VWA8: variants seen among roughly 807,000 people sequenced by gnomAD.
VWA8 encodes von Willebrand factor A domain containing 8, also known as von Willebrand factor A domain-containing protein 8.
VWA8 carries 221 observed loss-of-function variants against 241.5 expected under a neutral mutation model. The ratio of observed to expected loss-of-function variants is 0.91; its 90% CI spans 0.82 to 1.02. The LOEUF is 1.02. Ranked by LOEUF, VWA8 falls within the 50% of genes least tolerant of loss-of-function variation. The pLI, the probability that VWA8 is intolerant of heterozygous loss-of-function variation, is 0.00. For missense variants in VWA8, 2,322 were observed against 2,328.7 expected (o/e 1.00, Z 0.06); for synonymous variants, 852 against 827.1 (o/e 1.03, Z -0.52).
chr13:41,729,746 C>T (rs902298882), intron 22 of VWA8, 69 bp from the exon 23 acceptor site: 8 of 1,504,976 alleles, frequency 5.3e-6, no homozygotes, highest in Non-Finnish European at 7.2e-6. Flanking sequence ...TCATTACTTA[C>T]TGCTTTGGAC....
chr13:41,689,312 G>A (rs1279334298), intron 34 of VWA8, 42 bp downstream of exon 34: 2 of 1,580,590 alleles, frequency 1.3e-6, no homozygotes, highest in Non-Finnish European at 1.7e-6. Context: ...CAAACTAAGG[G>A]AAAGAAACAT....
At chr13:41,865,062 A>G (rs1873225535) in intron 12 of VWA8, among the ~76,000 whole-genome samples, 1 of 152,024 alleles carries the variant, frequency 6.6e-6, no homozygotes, top group Non-Finnish European at 1.5e-5. Context: ...TTTAAAAAAT[A>G]ATCTATTCAG....
rs532898183 is a variant in VWA8, at chr13:41,681,710, A to T, written c.4327+3337T>A. 1.4e-4 allele frequency among the ~76,000 whole-genome samples: 22 copies of T among 152,276 alleles called. No homozygotes were observed. The South Asian group carries it at 1.9e-3, about 13-fold the overall frequency. ...GGCCTGAGATATTTTGTGAAAAATT[A>T]AAATACACATGGAAACATAAACACA... On this transcript the variant is annotated intron_variant, in intron 35 of 44. Coordinates refer to ENST00000379310, the MANE Select transcript of VWA8 (RefSeq NM_015058.2).
chr13:41,929,451 C>A (rs892901065), intron 2 of VWA8, among the ~76,000 whole-genome samples: 1 of 152,114 alleles, frequency 6.6e-6, no homozygotes, highest in Non-Finnish European at 1.5e-5. Flanking sequence ...CAGCACTCAG[C>A]CCTGTGTTAC....
intron 4 of VWA8, among the ~76,000 whole-genome samples, chr13:41,904,543 T>C (rs776174320): frequency 8.5e-5 from 13 of 152,104 alleles, no homozygotes; most frequent in Admixed American, 4.6e-4. Context: ...ACCTTGTCAA[T>C]TGGGGGTGGT....
At chr13:41,698,185 T>C (rs2045227292) in intron 29 of VWA8, among the ~76,000 whole-genome samples, 1 of 152,126 alleles carries the variant, frequency 6.6e-6, no homozygotes, top group Non-Finnish European at 1.5e-5. Flanking sequence ...AATGTAAGCT[T>C]TTGAGAACAA....
chr13:41,721,242 A>G, intron 25 of VWA8, 128 bp downstream of exon 25: 3 of 976,038 alleles, frequency 3.1e-6, no homozygotes, highest in Non-Finnish European at 4.6e-6. Context: ...GATTATACAC[A>G]TTTCAAATCA....
In VWA8 at chr13:41,819,490, T is replaced by C. The variant is rs530487080; in HGVS notation, c.1701-104A>G. The C allele has an allele frequency of 3.2e-5, 37 of 1,170,058 alleles. No homozygotes were observed. In the African/African-American group the frequency reaches 5.7e-4, roughly 18 times the overall value. The allele number at this position is 1,170,058 out of a possible 1,614,324, so 72.5% of individuals were successfully genotyped here. On this transcript the variant is annotated intron_variant, in intron 14 of 44. Coordinates refer to ENST00000379310, the MANE Select transcript of VWA8 (RefSeq NM_015058.2). ...AACGTTAGGGCTATCATACTGTTAATAATGTCAATGTTATCATCCAAAGGA... is the reference window on the plus strand; with the variant it reads ...AACGTTAGGGCTATCATACTGTTAACAATGTCAATGTTATCATCCAAAGGA...
chr13:41,749,489 G>C (rs138936898), intron 21 of VWA8, among the ~76,000 whole-genome samples: 2 of 152,092 alleles, frequency 1.3e-5, no homozygotes, highest in African/African-American at 4.8e-5. Context: ...TTTTGACCCA[G>C]CCATCCCATT....
At chr13:41,725,261 G>A (rs934008529) in intron 24 of VWA8, among the ~76,000 whole-genome samples, 3 of 152,150 alleles carry the variant, frequency 2.0e-5, no homozygotes, top group African/African-American at 7.2e-5. Flanking sequence ...AAAGGTGGTA[G>A]GATCAATGGA....
intron 37 of VWA8, among the ~76,000 whole-genome samples, chr13:41,616,934 A>C (rs1342077173): frequency 2.0e-5 from 3 of 152,344 alleles, no homozygotes; most frequent in Middle Eastern, 3.4e-3. Context: ...AGAACATTTC[A>C]AAACTGGTAC....
At chr13:41,859,298 T>C (rs537690772) in intron 12 of VWA8, among the ~76,000 whole-genome samples, 7 of 152,222 alleles carry the variant, frequency 4.6e-5, no homozygotes, top group African/African-American at 1.7e-4. Flanking sequence ...TCCACTATAT[T>C]TGCATAAACA....
intron 21 of VWA8, among the ~76,000 whole-genome samples, chr13:41,754,424 C>A (rs1233960975): frequency 2.0e-5 from 3 of 152,018 alleles, no homozygotes; most frequent in African/African-American, 7.2e-5. Flanking sequence ...TGTAAATTGC[C>A]CAGTCTTGGG....
At chr13:41,923,874 C>T (rs1395488760) in intron 2 of VWA8, among the ~76,000 whole-genome samples, 1 of 151,838 alleles carries the variant, frequency 6.6e-6, no homozygotes, top group East Asian at 1.9e-4. Context: ...ATCTTCAGGC[C>T]CATCTGCAGG....
intron 2 of VWA8, among the ~76,000 whole-genome samples, chr13:41,930,736 T>C (rs114393404): frequency 1.3e-5 from 2 of 152,184 alleles, no homozygotes; most frequent in African/African-American, 2.4e-5. Flanking sequence ...CTGGACTTCA[T>C]GTTTAGAGTT....
intron 21 of VWA8, among the ~76,000 whole-genome samples, chr13:41,744,939 G>T (rs181847253): frequency 6.6e-6 from 1 of 152,002 alleles, no homozygotes; most frequent in Admixed American, 6.6e-5. Flanking sequence ...CTGGGTTCAC[G>T]CCATTCTCCT....
intron 21 of VWA8, among the ~76,000 whole-genome samples, chr13:41,735,596 C>T (rs9566836): frequency 0.57 from 85,836 of 151,802 alleles, 24,459 homozygotes; most frequent in Non-Finnish European, 0.61. Context: ...TTATAATTAG[C>T]CCCTTCATCT....
chr13:41,873,727 G>A (rs1873757343), intron 9 of VWA8, among the ~76,000 whole-genome samples: 2 of 152,128 alleles, frequency 1.3e-5, no homozygotes, highest in South Asian at 2.1e-4. Context: ...AGGACCAGAT[G>A]GATTCACAGC....
chr13:41,775,951 A>T (rs542545366), intron 20 of VWA8, among the ~76,000 whole-genome samples: 3 of 152,280 alleles, frequency 2.0e-5, no homozygotes, highest in African/African-American at 7.2e-5. Flanking sequence ...GACCCTCCTG[A>T]AACTCTAATC....
Sources: allele counts gnomAD v4.1 joint callset (sites outside exome capture counted in the v4.1 genomes callset), GRCh38; gene constraint gnomAD v4.1.1; transcripts MANE v1.5; gene names NCBI Gene and HGNC (gene_info 2026-07-23, HGNC 2026-07-21).